The following PNPLA8 variants were observed in gnomAD, a reference collection of about 807,000 sequenced individuals.
PNPLA8 encodes calcium-independent phospholipase A2-gamma.
In PNPLA8, 39 loss-of-function variants were observed where a neutral mutation model predicts 76.9. The observed-to-expected ratio is 0.51, with a 90% confidence interval of 0.39 to 0.66. PNPLA8 has a LOEUF of 0.66. Among genes scored for constraint, PNPLA8 ranks in the 30% least tolerant of loss-of-function variants. PNPLA8 has a pLI of 0.00. For synonymous variants in PNPLA8, 301 were observed against 307.9 expected (o/e 0.98, Z 0.24); for missense variants, 887 against 918.0 (o/e 0.97, Z 0.44).
intron 2 of PNPLA8, among the ~76,000 whole-genome samples, chr7:108,516,790 T>G (rs1225242884): frequency 6.6e-6 from 1 of 152,110 alleles, no homozygotes; most frequent in Non-Finnish European, 1.5e-5. Flanking sequence ...TAATCTCAGC[T>G]ACTCGGGTGG....
chr7:108,518,259 T>C (rs999272670), intron 2 of PNPLA8: 14 of 152,162 alleles, frequency 9.2e-5, no homozygotes, highest in Admixed American at 6.5e-4. Flanking sequence ...ATTCGGACCA[T>C]AGCAGTATGA....
intron 8 of PNPLA8, among the ~76,000 whole-genome samples, chr7:108,490,854 T>G (rs1861114753): frequency 6.6e-6 from 1 of 152,224 alleles, no homozygotes; most frequent in Admixed American, 6.5e-5. Context: ...TTTTTAAAAT[T>G]ATGATGAAAT....
At chr7:108,509,707 G>T (rs1251278912) in intron 4 of PNPLA8, among the ~76,000 whole-genome samples, 2 of 151,608 alleles carry the variant, frequency 1.3e-5, no homozygotes, top group African/African-American at 4.9e-5. Flanking sequence ...AAATCATGCT[G>T]CTATAAAGAC....
intron 9 of PNPLA8, among the ~76,000 whole-genome samples, chr7:108,481,754 C>A (rs1019247235): frequency 3.3e-5 from 5 of 152,082 alleles, no homozygotes; most frequent in Admixed American, 2.0e-4. Flanking sequence ...AAGTCTTCCC[C>A]CAACCCAGGT....
At chr7:108,509,869 C>A (rs1172082529) in intron 4 of PNPLA8, among the ~76,000 whole-genome samples, 1 of 144,886 alleles carries the variant, frequency 6.9e-6, no homozygotes, top group African/African-American at 2.6e-5. Context: ...GAGTTCATGT[C>A]CTTTGTAGGG....
intron 10 of PNPLA8, among the ~76,000 whole-genome samples, chr7:108,473,166 G>C (rs917811798): frequency 6.6e-6 from 1 of 152,084 alleles, no homozygotes. Context: ...CCCTTTCCTA[G>C]AATTTCATAC....
In PNPLA8 at chr7:108,520,569, G is replaced by A. The variant is rs551201113; in HGVS notation, c.-84+907C>T. On this transcript the variant is annotated intron_variant, in intron 2 of 10. Coordinates refer to ENST00000257694, the MANE Select transcript of PNPLA8 (RefSeq NM_001256007.3). The stretch of plus-strand genomic sequence containing the variant: ...GGACTATAGTTAACAATGACATATT[G>A]TGTTATTTCAAAATAGCTAGAAGAT... 6.6e-5 allele frequency among the ~76,000 whole-genome samples: 10 copies of A among 152,226 alleles called. 1 individual carries two copies. In the East Asian group the frequency reaches 1.9e-3, roughly 29 times the overall value.
At chr7:108,490,305 T>C (rs750150265) in intron 8 of PNPLA8, among the ~76,000 whole-genome samples, 1 of 152,188 alleles carries the variant, frequency 6.6e-6, no homozygotes, top group Non-Finnish European at 1.5e-5. Context: ...CTAGGAACTA[T>C]AGGCTATACC....
chr7:108,511,806 T>C (rs1862954144), intron 4 of PNPLA8, among the ~76,000 whole-genome samples: 2 of 152,204 alleles, frequency 1.3e-5, no homozygotes, highest in Admixed American at 1.3e-4. Flanking sequence ...ATACATTATA[T>C]GCTAAAAAAC....
chr7:108,487,776 C>T lies in PNPLA8; in HGVS notation c.1861G>A (p.Gly621Arg). The T allele has an allele frequency of 6.2e-7, 1 of 1,603,208 alleles. No homozygotes were observed. Among genetic ancestry groups the T allele is most frequent in the Non-Finnish European group, 8.5e-7 (1 of 1,175,206 alleles). ...CAACTTACTTGATGAAGATCATTTC[C>T]CAATGCATATTCTGCAAAGTAGCCT... ...APGYFAEYALGNDLHQDGGLL... is the reference protein window; with the variant it reads ...APGYFAEYALRNDLHQDGGLL... The change falls in exon 9 of 11, where the codon GGA (glycine) becomes AGA (arginine). Residue 621 changes from glycine (G) to arginine (R), a missense_variant. Physicochemically the swap from Gly to Arg is moderately radical, Grantham distance 125. Transcript: ENST00000257694.
At chr7:108,497,084 T>C (rs1037890343) in intron 6 of PNPLA8, among the ~76,000 whole-genome samples, 1 of 152,214 alleles carries the variant, frequency 6.6e-6, no homozygotes, top group Non-Finnish European at 1.5e-5. Context: ...CATTAAATTA[T>C]ATATAAGATA....
At position 108,475,174 on chromosome 7, in the gene PNPLA8, A is replaced by G. The variant is rs1402550472; in HGVS notation, c.2075-2499T>C. On this transcript the variant is annotated intron_variant, in intron 10 of 10. Coordinates refer to ENST00000257694, the MANE Select transcript of PNPLA8 (RefSeq NM_001256007.3). ...CTGTCTCCCATCATCCCTAGATAAG[A>G]CCATCTAGTTGGAGGAAAACAAGCT... Among the ~76,000 whole-genome samples the G allele has an allele frequency of 4.6e-5, 7 of 152,204 alleles. No homozygotes were observed. The South Asian group carries it at 1.5e-3, about 32-fold the overall frequency.
In PNPLA8 at chr7:108,515,217, T is replaced by C. The variant is rs1563984747; in HGVS notation, c.275A>G (p.Lys92Arg). Residue 92 changes from lysine (K) to arginine (R), a missense_variant, in exon 3 of 11, where the codon AAG becomes AGG. Lys to Arg is a conservative substitution (Grantham distance 26, BLOSUM62 2). Coordinates refer to ENST00000257694, the MANE Select transcript of PNPLA8 (RefSeq NM_001256007.3). Reference sequence around the variant, plus strand: ...ACAAATGTTCACTTTTGTAAGTCCCTTGGGAGCAGAAGTGCTAAGTTTCAA... The same window carrying C: ...ACAAATGTTCACTTTTGTAAGTCCCCTGGGAGCAGAAGTGCTAAGTTTCAA... ...GILKLSTSAP[K>R]GLTKVNICMS... 1.9e-6 allele frequency: 3 copies of C among 1,604,336 alleles called. No individual in the cohort carries two copies. Among genetic ancestry groups the C allele is most frequent in the African/African-American group, 2.7e-5 (2 of 74,716 alleles).
At chr7:108,522,398 A>G (rs992531232) in intron 1 of PNPLA8, among the ~76,000 whole-genome samples, 1 of 151,668 alleles carries the variant, frequency 6.6e-6, no homozygotes, top group Non-Finnish European at 1.5e-5. Flanking sequence ...TGGTTTCCAC[A>G]CCTCCTTATG....
rs755171447 is a variant in PNPLA8, at chr7:108,502,479, T to C, written c.1358+12A>G. ...AAAAAAAAAAAAAAAAGAATCATGT[T>C]CCTAGCCTTACCTTGTTCCTCCACC... On this transcript the variant is annotated intron_variant, in intron 5 of 10. Transcript: ENST00000257694. 14 of 1,347,254 alleles carry C rather than the reference T, an allele frequency of 1.0e-5. No homozygotes were observed. The South Asian group carries it at 1.7e-4, about 17-fold the overall frequency. 83.5% of individuals were successfully genotyped at this position (1,347,254 alleles called of 1,614,324 possible).
chr7:108,510,164 A>T lies in PNPLA8; in HGVS notation c.1206+3980T>A, dbSNP rs1237111232. The T allele has an allele frequency of 2.8e-5, 20 of 713,348 alleles. No homozygotes were observed. The South Asian group carries it at 3.4e-4, about 12-fold the overall frequency. The allele number at this position is 713,348 out of a possible 1,614,324, so 44.2% of individuals were successfully genotyped here. A position where few individuals can be genotyped will look rare whatever the true frequency, so the allele number is the denominator to read the frequency against. ...GCACAATGTGCACATGTACCCTAAA[A>T]CTTAAAGTATAATAAAAAAAAAAAA... On this transcript the variant is annotated intron_variant, in intron 4 of 10. Coordinates refer to ENST00000257694, the MANE Select transcript of PNPLA8 (RefSeq NM_001256007.3).
At chr7:108,517,550 G>A (rs1863428184) in intron 2 of PNPLA8, among the ~76,000 whole-genome samples, 2 of 152,162 alleles carry the variant, frequency 1.3e-5, no homozygotes, top group South Asian at 4.1e-4. Flanking sequence ...TCAATATACG[G>A]TATGTGTATG....
At chr7:108,503,721 A>C (rs1862128962) in intron 4 of PNPLA8, among the ~76,000 whole-genome samples, 1 of 152,198 alleles carries the variant, frequency 6.6e-6, no homozygotes. Flanking sequence ...GAGCTGGTAA[A>C]CTATAGCTTT....
At chr7:108,490,207 A>G (rs1861043899) in intron 8 of PNPLA8, among the ~76,000 whole-genome samples, 1 of 152,156 alleles carries the variant, frequency 6.6e-6, no homozygotes, top group Non-Finnish European at 1.5e-5. Context: ...TAGCCTAGGA[A>G]CTATAGGCTA....
Sources: gnomAD v4.1 joint callset for allele counts (sites outside exome capture counted in the v4.1 genomes callset) on GRCh38, gnomAD v4.1.1 for gene constraint, MANE v1.5 for transcripts, NCBI Gene and HGNC (gene_info 2026-07-23, HGNC 2026-07-21) for gene names.